The following TNFSF4 variants were observed in gnomAD, a reference collection of about 807,000 sequenced individuals.
TNFSF4 encodes tumor necrosis factor ligand superfamily member 4.
A neutral mutation model predicts 7.3 loss-of-function variants in TNFSF4; 4 were observed. The observed-to-expected ratio is 0.55, with a 90% CI of 0.27 to 1.25. TNFSF4 has a LOEUF of 1.25. Ranked by LOEUF, TNFSF4 falls within the 50% of genes most tolerant of loss-of-function variation. TNFSF4 has a pLI of 0.12. For synonymous variants in TNFSF4, 76 were observed against 83.7 expected (o/e 0.91, Z 0.50); for missense variants, 181 against 208.8 (o/e 0.87, Z 0.82).
the TNFSF4 span, among the ~76,000 whole-genome samples, chr1:173,244,637 G>A: frequency 8.2e-6 from 1 of 121,710 alleles, no homozygotes; most frequent in Admixed American, 8.6e-5. Context: ...GCGAGACTCT[G>A]TCTCAAAAAA....
chr1:173,413,590 G>C, the TNFSF4 span, among the ~76,000 whole-genome samples: 20 of 152,196 alleles, frequency 1.3e-4, no homozygotes, highest in Non-Finnish European at 2.5e-4. Flanking sequence ...TAGTCCAGCA[G>C]TGTCACAGCA....
At chr1:173,341,649 A>T in the TNFSF4 span, among the ~76,000 whole-genome samples, 1 of 152,232 alleles carries the variant, frequency 6.6e-6, no homozygotes, top group Non-Finnish European at 1.5e-5. Context: ...AACAGGAGAC[A>T]TTACAATACT....
the TNFSF4 span, among the ~76,000 whole-genome samples, chr1:173,231,121 A>C: frequency 6.6e-6 from 1 of 152,158 alleles, no homozygotes; most frequent in Non-Finnish European, 1.5e-5. Flanking sequence ...CTGATACCAA[A>C]GCTTGGCAGA....
At chr1:173,290,029 T>C in the TNFSF4 span, among the ~76,000 whole-genome samples, 2 of 151,778 alleles carry the variant, frequency 1.3e-5, 1 homozygote. Flanking sequence ...GACCCAAGAA[T>C]CTTGATGAAC....
At chr1:173,445,426 C>A in the TNFSF4 span, among the ~76,000 whole-genome samples, 1 of 152,158 alleles carries the variant, frequency 6.6e-6, no homozygotes, top group African/African-American at 2.4e-5. Flanking sequence ...ATCCTTTAAG[C>A]TGAAGAACAT....
chr1:173,390,277 C>G, the TNFSF4 span, among the ~76,000 whole-genome samples: 1 of 152,158 alleles, frequency 6.6e-6, no homozygotes, highest in East Asian at 1.9e-4. Context: ...CTGTTCACTA[C>G]TGTTGCTGCC....
the TNFSF4 span, chr1:173,362,759 G>A: frequency 1.0e-5 from 4 of 399,730 alleles, no homozygotes; most frequent in South Asian, 4.4e-5. Flanking sequence ...TACTTGCTTT[G>A]CCAAAGGAAC....
the TNFSF4 span, among the ~76,000 whole-genome samples, chr1:173,376,868 C>T: frequency 6.6e-6 from 1 of 152,182 alleles, no homozygotes; most frequent in Non-Finnish European, 1.5e-5. Flanking sequence ...ACACTCACTG[C>T]AAAGGTCTGT....
chr1:173,214,819 A>G, the TNFSF4 span, among the ~76,000 whole-genome samples: 1 of 152,072 alleles, frequency 6.6e-6, no homozygotes, highest in Non-Finnish European at 1.5e-5. Flanking sequence ...TCCTGCGAAC[A>G]CTCTGCCTGG....
chr1:173,415,448 G>A, the TNFSF4 span, among the ~76,000 whole-genome samples: 1 of 152,330 alleles, frequency 6.6e-6, no homozygotes, highest in Admixed American at 6.5e-5. Context: ...AGAATAAAGG[G>A]AAGAAAACAG....
the TNFSF4 span, among the ~76,000 whole-genome samples, chr1:173,231,913 C>T: frequency 1.3e-5 from 2 of 152,098 alleles, no homozygotes; most frequent in African/African-American, 4.8e-5. Flanking sequence ...ATGCCTCCAG[C>T]TTTGTTCTTT....
the TNFSF4 span, among the ~76,000 whole-genome samples, chr1:173,213,593 T>A: frequency 2.6e-5 from 4 of 152,244 alleles, no homozygotes; most frequent in Admixed American, 6.5e-5. Flanking sequence ...AAATCAACTT[T>A]ATTAAAATAT....
chr1:173,371,124 T>A, the TNFSF4 span, among the ~76,000 whole-genome samples: 1 of 152,134 alleles, frequency 6.6e-6, no homozygotes, highest in Non-Finnish European at 1.5e-5. Flanking sequence ...GTTTGACCAT[T>A]GAGGGCCAGG....
chr1:173,255,355 A>G, the TNFSF4 span, among the ~76,000 whole-genome samples: 1 of 152,240 alleles, frequency 6.6e-6, no homozygotes, highest in Non-Finnish European at 1.5e-5. Context: ...TCAGTTTATA[A>G]TATCAAACCT....
the TNFSF4 span, among the ~76,000 whole-genome samples, chr1:173,391,435 CAAAAA>C: frequency 0.027 from 2,898 of 108,840 alleles, 114 homozygotes; most frequent in African/African-American, 0.09. Context: ...CCTTAGAAAG[CAAAAA>C]AAAAAAAAAA....
the TNFSF4 span, among the ~76,000 whole-genome samples, chr1:173,409,274 C>A: frequency 6.6e-6 from 1 of 152,196 alleles, no homozygotes; most frequent in Non-Finnish European, 1.5e-5. Flanking sequence ...GCACAACAAC[C>A]AAATGCAGTG....
chr1:173,429,280 A>G, the TNFSF4 span, among the ~76,000 whole-genome samples: 1 of 152,180 alleles, frequency 6.6e-6, no homozygotes. Context: ...GAGAGAAAAG[A>G]CTGGCCCCCC....
chr1:173,193,378 A>T (rs1476767941), intron 1 of TNFSF4, among the ~76,000 whole-genome samples: 2 of 152,202 alleles, frequency 1.3e-5, no homozygotes, highest in Non-Finnish European at 2.9e-5. Flanking sequence ...CTAAGTATCC[A>T]TGCCAGAATT....
At chr1:173,288,419 G>C in the TNFSF4 span, among the ~76,000 whole-genome samples, 6 of 152,038 alleles carry the variant, frequency 3.9e-5, no homozygotes, top group Non-Finnish European at 5.9e-5. Context: ...CTGGGTGACA[G>C]AGCCAGACCC....
Sources: gnomAD v4.1 joint callset for allele counts (sites outside exome capture counted in the v4.1 genomes callset) on GRCh38, gnomAD v4.1.1 for gene constraint, MANE v1.5 for transcripts, NCBI Gene and HGNC (gene_info 2026-07-23, HGNC 2026-07-21) for gene names.